FAM135B: variants seen among roughly 807,000 people sequenced by gnomAD.
The protein encoded by FAM135B is family with sequence similarity 135 member B, also known as protein FAM135B.
Under a neutral mutation model 127.7 loss-of-function variants are expected in FAM135B, and 43 were observed. The observed-to-expected ratio is 0.34, with a 90% CI of 0.26 to 0.43. FAM135B has a LOEUF of 0.43. Among genes scored for constraint, FAM135B ranks in the 20% least tolerant of loss-of-function variants. The probability of loss-of-function intolerance (pLI) is 1.00; values close to 1 mark genes in which losing one functional copy is unlikely to be tolerated. For synonymous variants in FAM135B, 670 were observed against 665.1 expected, an observed-to-expected ratio of 1.01 and a Z score of -0.11; for missense variants, 1,558 against 1,725.6, an observed-to-expected ratio of 0.90 and a Z score of 1.72.
chr8:138,339,443 A>G (rs1230814454), intron 2 of FAM135B, among the ~76,000 whole-genome samples: 1 of 151,546 alleles, frequency 6.6e-6, no homozygotes, highest in Non-Finnish European at 1.5e-5. Flanking sequence ...CCCCCCACAC[A>G]TACCCATTCT....
At position 138,366,221 on chromosome 8, in the gene FAM135B, C is replaced by T. The variant is rs7003831; in HGVS notation, c.77+1686G>A. 9.4e-3 allele frequency among the ~76,000 whole-genome samples: 1,435 copies of T among 152,172 alleles called. 24 individuals carry two copies. Among genetic ancestry groups the T allele is most frequent in the African/African-American group, 0.031 (1,295 of 41,516 alleles). Reference sequence around the variant, plus strand: ...ATGAAGATAATACTGCTTAGTTCTACGGTTTGTTATGAAAAGTCAGGAAAA... The same window carrying T: ...ATGAAGATAATACTGCTTAGTTCTATGGTTTGTTATGAAAAGTCAGGAAAA... On this transcript the variant is annotated intron_variant, in intron 2 of 19. Coordinates refer to ENST00000395297, the MANE Select transcript of FAM135B (RefSeq NM_015912.4).
chr8:138,439,100 G>T (rs1835620958), intron 1 of FAM135B: 1 of 152,152 alleles, frequency 6.6e-6, no homozygotes, highest in Non-Finnish European at 1.5e-5. Context: ...ATGGAAATTG[G>T]ATTATTTCCT....
chr8:138,282,337 T>C (rs1824327757), intron 3 of FAM135B, among the ~76,000 whole-genome samples: 1 of 152,140 alleles, frequency 6.6e-6, no homozygotes, highest in Admixed American at 6.5e-5. Context: ...TAGATTTCAT[T>C]AAAATTAAAA....
In FAM135B at chr8:138,159,328, G is replaced by A. The variant is rs201699114; in HGVS notation, c.1259-6112C>T. Reference sequence around the variant, plus strand: ...ACATATGTTTATTGCGGCACTATTCGCAATAGGAAAGACTTGGAACCAACC... The same window carrying A: ...ACATATGTTTATTGCGGCACTATTCACAATAGGAAAGACTTGGAACCAACC... On this transcript the variant is annotated intron_variant, in intron 12 of 19. Coordinates refer to ENST00000395297, the MANE Select transcript of FAM135B (RefSeq NM_015912.4). 2.1e-3 allele frequency among the ~76,000 whole-genome samples: 312 copies of A among 146,404 alleles called. 1 individual carries two copies. Among genetic ancestry groups the A allele is most frequent in the African/African-American group, 7.3e-3 (289 of 39,610 alleles).
chr8:138,296,651 C>A (rs1387184925), intron 3 of FAM135B, among the ~76,000 whole-genome samples: 2 of 152,086 alleles, frequency 1.3e-5, no homozygotes, highest in African/African-American at 2.4e-5. Flanking sequence ...TTTTATTTTT[C>A]TGACAGCATA....
intron 2 of FAM135B, among the ~76,000 whole-genome samples, chr8:138,336,017 A>G (rs990995865): frequency 5.3e-5 from 8 of 152,216 alleles, no homozygotes; most frequent in Admixed American, 3.9e-4. Context: ...CTGGGTACAT[A>G]ATGAAATGAA....
chr8:138,340,016 T>G (rs1039595144), intron 2 of FAM135B, among the ~76,000 whole-genome samples: 1 of 152,194 alleles, frequency 6.6e-6, no homozygotes, highest in Admixed American at 6.5e-5. Flanking sequence ...GCCTGGTTCA[T>G]CATCCCGGGA....
intron 2 of FAM135B, among the ~76,000 whole-genome samples, chr8:138,335,361 T>C (rs1272313760): frequency 6.6e-6 from 1 of 152,126 alleles, no homozygotes; most frequent in Non-Finnish European, 1.5e-5. Context: ...ATTAAAAGAG[T>C]TGTGCAATAT....
intron 2 of FAM135B, among the ~76,000 whole-genome samples, chr8:138,312,931 C>T (rs902991116): frequency 2.0e-4 from 30 of 151,944 alleles, no homozygotes; most frequent in African/African-American, 6.0e-4. Flanking sequence ...AAAAGCAATT[C>T]AATGGAGCAG....
chr8:138,156,899 C>G (rs1205050632), intron 12 of FAM135B, among the ~76,000 whole-genome samples: 1 of 152,170 alleles, frequency 6.6e-6, no homozygotes, highest in Admixed American at 6.5e-5. Flanking sequence ...CCTTCTGAAA[C>G]TATTCCAATC....
intron 7 of FAM135B, among the ~76,000 whole-genome samples, chr8:138,234,483 T>A (rs1455379752): frequency 6.6e-6 from 1 of 152,202 alleles, no homozygotes; most frequent in African/African-American, 2.4e-5. Flanking sequence ...TATCAGTGAA[T>A]GAGTGGATGA....
At chr8:138,178,414 A>C in intron 10 of FAM135B, 121 bp downstream of exon 10, 3 of 1,133,326 alleles carry the variant, frequency 2.6e-6, no homozygotes, top group Non-Finnish European at 2.6e-6. Context: ...CGGTCATGGT[A>C]GAGACACGAA....
intron 7 of FAM135B, among the ~76,000 whole-genome samples, chr8:138,233,318 C>T (rs1820038699): frequency 1.3e-5 from 2 of 152,082 alleles, no homozygotes; most frequent in African/African-American, 2.4e-5. Context: ...CCACTCATAC[C>T]TCAATAAAGT....
intron 2 of FAM135B, among the ~76,000 whole-genome samples, chr8:138,338,266 A>C (rs1414199993): frequency 2.2e-4 from 33 of 150,766 alleles, no homozygotes; most frequent in Non-Finnish European, 4.5e-4. Flanking sequence ...AATGGGTTCT[A>C]ATTAAACTAA....
intron 4 of FAM135B, among the ~76,000 whole-genome samples, chr8:138,265,203 A>G (rs1822820921): frequency 6.6e-6 from 1 of 152,084 alleles, no homozygotes; most frequent in Non-Finnish European, 1.5e-5. Flanking sequence ...GCCTTGATGA[A>G]CCCAGCTTTG....
chr8:138,346,228 T>C (rs890058781), intron 2 of FAM135B, among the ~76,000 whole-genome samples: 2 of 152,234 alleles, frequency 1.3e-5, no homozygotes, highest in Admixed American at 1.3e-4. Flanking sequence ...TCAACCATTG[T>C]GGAAGACAGT....
chr8:138,407,312 C>A (rs559970969), intron 1 of FAM135B, among the ~76,000 whole-genome samples: 4 of 151,954 alleles, frequency 2.6e-5, no homozygotes, highest in African/African-American at 9.7e-5. Flanking sequence ...GAATCAATAT[C>A]GTGAAAATGG....
chr8:138,213,367 A>G (rs912435109), intron 7 of FAM135B, among the ~76,000 whole-genome samples: 3 of 152,196 alleles, frequency 2.0e-5, no homozygotes, highest in Non-Finnish European at 4.4e-5. Flanking sequence ...CTTTCTATTA[A>G]TATCGTTATA....
At chr8:138,417,295 C>G (rs1834218320) in intron 1 of FAM135B, among the ~76,000 whole-genome samples, 1 of 152,168 alleles carries the variant, frequency 6.6e-6, no homozygotes, top group Admixed American at 6.5e-5. Flanking sequence ...CTCAGCTGCC[C>G]AGCCCAGGCA....
Sources: allele counts gnomAD v4.1 joint callset (sites outside exome capture counted in the v4.1 genomes callset), GRCh38; gene constraint gnomAD v4.1.1; transcripts MANE v1.5; gene names NCBI Gene and HGNC (gene_info 2026-07-23, HGNC 2026-07-21).